PIEZO2: variants seen among roughly 807,000 people sequenced by gnomAD.
The protein encoded by PIEZO2 is piezo type mechanosensitive ion channel component 2.
In PIEZO2, 172 loss-of-function variants were observed where a neutral mutation model predicts 337.3. The ratio of observed to expected loss-of-function variants is 0.51; its 90% CI spans 0.45 to 0.58. The LOEUF (loss-of-function observed/expected upper bound fraction) is 0.58, where lower values mean the gene tolerates loss of function less well. Ranked by LOEUF, PIEZO2 falls within the 20% of genes least tolerant of loss-of-function variation. The probability of loss-of-function intolerance (pLI) is 0.00; values close to 1 mark genes in which losing one functional copy is unlikely to be tolerated. For missense variants in PIEZO2, 3,028 were observed against 3,391.3 expected, an observed-to-expected ratio of 0.89 and a Z score of 2.66; for synonymous variants, 1,251 against 1,228.5, an observed-to-expected ratio of 1.02 and a Z score of -0.38.
In PIEZO2 at chr18:11,092,353, A is replaced by G. The variant is rs2039117865; in HGVS notation, c.65-26131T>C. On this transcript the variant is annotated intron_variant, in intron 1 of 55. Transcript: ENST00000674853. This position sits in a 1 kb window ranked among gnomAD's most constrained non-coding sequence, Gnocchi z 4.5. ...GATTGTTAAACATAATAAATACAGA[A>G]AACTAAAAATACTATATTCCATGTG... Among the ~76,000 whole-genome samples the G allele has an allele frequency of 6.6e-6, 1 of 152,226 alleles. No individual in the cohort carries two copies. Among genetic ancestry groups the G allele is most frequent in the Admixed American group, 6.5e-5 (1 of 15,282 alleles).
chr18:10,934,425 C>A (rs761105609), intron 3 of PIEZO2, among the ~76,000 whole-genome samples: 1 of 152,056 alleles, frequency 6.6e-6, no homozygotes, highest in African/African-American at 2.4e-5. Context: ...GCTCTCATGG[C>A]GAGCAAAATT....
chr18:10,927,348 G>T (rs113194009), intron 3 of PIEZO2, among the ~76,000 whole-genome samples: 7 of 152,308 alleles, frequency 4.6e-5, no homozygotes, highest in African/African-American at 1.7e-4. Context: ...GGTTAGATGG[G>T]ATACTTAGCA....
At chr18:11,062,749 G>T (rs28768797) in intron 2 of PIEZO2, among the ~76,000 whole-genome samples, 7,238 of 152,202 alleles carry the variant, frequency 0.048, 393 homozygotes, top group African/African-American at 0.13. Context: ...TCATTAAAAA[G>T]TCAGGAAACA....
chr18:10,731,117 A>G (rs1259649952), intron 36 of PIEZO2, among the ~76,000 whole-genome samples: 3 of 143,836 alleles, frequency 2.1e-5, no homozygotes, highest in South Asian at 2.2e-4. Context: ...GTAAGAAATA[A>G]GTTTTCTTCT....
chr18:11,101,882 C>T lies in PIEZO2; in HGVS notation c.65-35660G>A, dbSNP rs538920625. On this transcript the variant is annotated intron_variant, in intron 1 of 55. Coordinates refer to ENST00000674853, the MANE Select transcript of PIEZO2 (RefSeq NM_001378183.1). The surrounding 1 kb of genome is among the most constrained non-coding windows in gnomAD (Gnocchi z 4.4). ...TTGTACTATACTACTTATAAGCTAT[C>T]AAATTTGAAACCACACACTAATTTG... Among the ~76,000 whole-genome samples the T allele has an allele frequency of 6.6e-6, 1 of 152,274 alleles. No homozygotes were observed. Among genetic ancestry groups the T allele is most frequent in the African/African-American group, 2.4e-5 (1 of 41,544 alleles).
intron 18 of PIEZO2, 48 bp downstream of exon 18, chr18:10,780,277 A>T: frequency 1.4e-6 from 1 of 702,722 alleles, no homozygotes; most frequent in South Asian, 1.5e-5. Context: ...TAACACAGCA[A>T]GAAATAGCTT....
At chr18:10,711,903 A>G (rs2035834747) in intron 39 of PIEZO2, among the ~76,000 whole-genome samples, 1 of 152,248 alleles carries the variant, frequency 6.6e-6, no homozygotes, top group South Asian at 2.1e-4. Flanking sequence ...GATCCGACCC[A>G]GTCCATATTG....
rs1238695201 is a variant in PIEZO2 at position 11,027,798 on chromosome 18, GT to G, written c.160+38328del. On this transcript the variant is annotated intron_variant, in intron 2 of 55. Coordinates refer to ENST00000674853, the MANE Select transcript of PIEZO2 (RefSeq NM_001378183.1). This position sits in a 1 kb window ranked among gnomAD's most constrained non-coding sequence, Gnocchi z 4.2. The stretch of plus-strand genomic sequence containing the variant: ...TCTTGATCTATCATTTAGCGTTTCA[GT>G]TCAATACTGAAATTTCAGCTTATGA... 6.7e-6 allele frequency among the ~76,000 whole-genome samples: 1 copy of G among 150,270 alleles called. No homozygotes were observed. The highest frequency in any genetic ancestry group is 2.5e-5 in the African/African-American group (1 of 40,258).
intron 2 of PIEZO2, among the ~76,000 whole-genome samples, chr18:11,034,981 G>A (rs1380427817): frequency 2.0e-5 from 3 of 152,218 alleles, no homozygotes; most frequent in African/African-American, 7.2e-5. Flanking sequence ...TTCCACCAAC[G>A]TTAGGAATGA....
At chr18:11,054,630 G>A (rs140346359) in intron 2 of PIEZO2, among the ~76,000 whole-genome samples, 3 of 152,328 alleles carry the variant, frequency 2.0e-5, no homozygotes, top group African/African-American at 7.2e-5. Context: ...TTTACAGTGA[G>A]ATGCTCCTAA....
At chr18:10,977,178 A>G (rs1041319404) in intron 3 of PIEZO2, among the ~76,000 whole-genome samples, 2 of 152,072 alleles carry the variant, frequency 1.3e-5, no homozygotes, top group African/African-American at 2.4e-5. Flanking sequence ...AAAATCATCA[A>G]TTTGAACTAG....
chr18:10,689,856 C>A, intron 48 of PIEZO2, 54 bp from the exon 49 acceptor site: 1 of 1,555,786 alleles, frequency 6.4e-7, no homozygotes, highest in Non-Finnish European at 8.7e-7. Flanking sequence ...CCCCACCACC[C>A]TGCTCACCCA....
At chr18:10,986,141 A>G (rs2034861844) in intron 2 of PIEZO2, among the ~76,000 whole-genome samples, 1 of 152,024 alleles carries the variant, frequency 6.6e-6, no homozygotes, top group Non-Finnish European at 1.5e-5. Flanking sequence ...TTCACTGTTG[A>G]ACTCTACCAA....
At position 10,979,717 on chromosome 18, in the gene PIEZO2, C is replaced by T; in HGVS notation, c.161-57G>A. ...GAGCTTAAGATGAAACACACTGGTG[C>T]TGTCTCTTGTACATATTTCTGTATA... is the stretch of plus-strand genomic sequence containing the variant. On this transcript the variant is annotated intron_variant, in intron 2 of 55. Transcript: ENST00000674853. The surrounding 1 kb of genome is among the most constrained non-coding windows in gnomAD (Gnocchi z 4.0). 2 of 1,455,672 alleles carry T rather than the reference C, an allele frequency of 1.4e-6. No homozygotes were observed. Among genetic ancestry groups the T allele is most frequent in the Non-Finnish European group, 1.8e-6 (2 of 1,093,922 alleles). The allele number at this position is 1,455,672 out of a possible 1,614,324, so 90.2% of individuals were successfully genotyped here. A position where few individuals can be genotyped will look rare whatever the true frequency, so the allele number is the denominator to read the frequency against.
intron 33 of PIEZO2, chr18:10,739,210 A>C (rs562404015): frequency 1.3e-5 from 2 of 152,354 alleles, no homozygotes; most frequent in Admixed American, 1.3e-4. Flanking sequence ...AAAAAATTTA[A>C]CACCACAGTC....
chr18:10,820,619 C>A (rs1480795359), intron 7 of PIEZO2, among the ~76,000 whole-genome samples: 4 of 152,126 alleles, frequency 2.6e-5, no homozygotes, highest in Non-Finnish European at 5.9e-5. Flanking sequence ...AAGGAGGTTT[C>A]ACTTATAGTT....
At chr18:10,779,814 C>T (rs2038916773) in intron 18 of PIEZO2, among the ~76,000 whole-genome samples, 1 of 151,956 alleles carries the variant, frequency 6.6e-6, no homozygotes, top group Non-Finnish European at 1.5e-5. Context: ...AAGGTTATGC[C>T]CCTACTCTAG....
intron 34 of PIEZO2, among the ~76,000 whole-genome samples, chr18:10,735,794 A>C (rs970761489): frequency 6.6e-6 from 1 of 152,192 alleles, no homozygotes; most frequent in Non-Finnish European, 1.5e-5. Context: ...CCCACTTGAG[A>C]AGTCCTGGCC....
intron 3 of PIEZO2, among the ~76,000 whole-genome samples, chr18:10,919,455 C>T (rs569454472): frequency 2.6e-5 from 4 of 152,140 alleles, no homozygotes; most frequent in Admixed American, 2.6e-4. Flanking sequence ...TTTTTAATAT[C>T]CAAATACGTC....
Sources: allele counts gnomAD v4.1 joint callset (sites outside exome capture counted in the v4.1 genomes callset), GRCh38; gene constraint gnomAD v4.1.1; non-coding constraint Gnocchi (gnomAD v3.1); transcripts MANE v1.5; gene names NCBI Gene and HGNC (gene_info 2026-07-23, HGNC 2026-07-21).